The following NUP107 variants were observed in gnomAD, a reference collection of about 807,000 sequenced individuals.
The protein encoded by NUP107 is nuclear pore complex protein Nup107.
NUP107 carries 101 observed loss-of-function variants against 141.0 expected under a neutral mutation model. That is an observed-to-expected ratio of 0.72 (90% confidence interval 0.61 to 0.84). The LOEUF is 0.84. Among genes scored for constraint, NUP107 ranks in the 40% least tolerant of loss-of-function variants. NUP107 has a pLI of 0.00. For synonymous variants in NUP107, 319 were observed against 363.9 expected, an observed-to-expected ratio of 0.88 and a Z score of 1.41; for missense variants, 941 against 1,102.7, an observed-to-expected ratio of 0.85 and a Z score of 2.08.
rs1205074022 is a variant in NUP107, at chr12:68,696,806, T to C, written c.449-13T>C. ...TTTTCTTTATTCCTTTTTTTTTTTT[T>C]GATGTGTTCTAGCATCCATGAGTAT... On this transcript the variant is annotated splice_polypyrimidine_tract_variant and intron_variant, in intron 5 of 27. Transcript: ENST00000229179. 2.8e-6 allele frequency: 4 copies of C among 1,418,420 alleles called. No homozygotes were observed. The highest frequency in any genetic ancestry group is 9.6e-7 in the Non-Finnish European group (1 of 1,042,686). 87.9% of individuals were successfully genotyped at this position (1,418,420 alleles called of 1,614,324 possible). A position where few individuals can be genotyped will look rare whatever the true frequency, so the allele number is the denominator to read the frequency against.
rs35315224 is a variant in NUP107 at position 68,733,720 on chromosome 12, C to T, written c.2262+108C>T. ...GAAGTAGTGTTGGTTCATCTTACCT[C>T]TCTTGTGACTATAGTGCTGACTCAT... is the stretch of plus-strand genomic sequence containing the variant. On this transcript the variant is annotated intron_variant, in intron 24 of 27. Coordinates refer to ENST00000229179, the MANE Select transcript of NUP107 (RefSeq NM_020401.4). 0.026 allele frequency: 28,350 copies of T among 1,074,952 alleles called. 503 individuals are homozygous for T. The highest frequency in any genetic ancestry group is 0.061 in the African/African-American group (3,833 of 63,224). The allele number at this position is 1,074,952 out of a possible 1,614,324, so 66.6% of individuals were successfully genotyped here. A position where few individuals can be genotyped will look rare whatever the true frequency, so the allele number is the denominator to read the frequency against.
chr12:68,742,279 A>C, intron 27 of NUP107, 76 bp from the exon 28 acceptor site: 1 of 911,664 alleles, frequency 1.1e-6, no homozygotes, highest in Non-Finnish European at 1.8e-6. Context: ...GAAGCTAATC[A>C]GATCGATTAG....
At chr12:68,714,135 GA>G (rs891143136) in intron 11 of NUP107, 3 of 194,532 alleles carry the variant, frequency 1.5e-5, no homozygotes, top group South Asian at 3.1e-4. Flanking sequence ...GAAAGCAAGT[GA>G]AAAAAAACTA....
Position 68,689,570 on chromosome 12 carries a change from A to C in NUP107, c.138A>C (p.Thr46=), listed in dbSNP as rs1875678260. ...ASQDENFGNT[T]PRNQVIPRTP... ...AAGATGAAAATTTTGGTAATACTAC[A>C]CCAAGAAACCAGGTTATCCCTCGAA... The change falls in exon 3 of 28, where the codon ACA becomes ACC. Residue 46 remains threonine, a synonymous_variant. Coordinates refer to ENST00000229179, the MANE Select transcript of NUP107 (RefSeq NM_020401.4). 1.2e-6 allele frequency: 2 copies of C among 1,613,116 alleles called. No individual in the cohort carries two copies. Among genetic ancestry groups the C allele is most frequent in the East Asian group, 4.5e-5 (2 of 44,778 alleles).
At chr12:68,704,419 G>A (rs55693245) in intron 8 of NUP107, among the ~76,000 whole-genome samples, 30,309 of 151,840 alleles carry the variant, frequency 0.2, 3,796 homozygotes, top group South Asian at 0.47. Flanking sequence ...CCTTTTTGGG[G>A]TTTAACTTCT....
chr12:68,709,979 A>G, intron 9 of NUP107, 26 bp from the exon 10 acceptor site: 1 of 1,302,788 alleles, frequency 7.7e-7, no homozygotes, highest in East Asian at 2.3e-5. Flanking sequence ...AGTTAACACT[A>G]ATTTATTTTT....
At chr12:68,699,191 T>A (rs747168148) in intron 6 of NUP107, among the ~76,000 whole-genome samples, 7 of 152,000 alleles carry the variant, frequency 4.6e-5, no homozygotes, top group African/African-American at 9.7e-5. Flanking sequence ...GCCAATATGG[T>A]GAAACCTCAT....
At chr12:68,697,859 G>A (rs905180623) in intron 6 of NUP107, among the ~76,000 whole-genome samples, 5 of 151,100 alleles carry the variant, frequency 3.3e-5, no homozygotes, top group Non-Finnish European at 7.4e-5. Flanking sequence ...GTGAAACCCT[G>A]TCTCTACTAA....
intron 8 of NUP107, among the ~76,000 whole-genome samples, chr12:68,703,998 C>T (rs1876459668): frequency 6.6e-6 from 1 of 152,104 alleles, no homozygotes; most frequent in Non-Finnish European, 1.5e-5. Context: ...CACTTGAGCC[C>T]AGGAGTTCAA....
intron 10 of NUP107, among the ~76,000 whole-genome samples, chr12:68,712,418 C>A (rs1292970745): frequency 3.9e-4 from 25 of 63,818 alleles, no homozygotes; most frequent in African/African-American, 1.3e-3. Context: ...AACTCCATCT[C>A]AAAAAAAAAA....
At position 68,716,237 on chromosome 12, in the gene NUP107, C is replaced by CTTTTT. The variant is rs1304801302; in HGVS notation, c.1083+500_1083+501insTTTTT. Among the ~76,000 whole-genome samples, 35 of 115,506 alleles carry CTTTTT rather than the reference C, an allele frequency of 3.0e-4. 2 individuals carry two copies. The highest frequency in any genetic ancestry group is 7.1e-4 in the African/African-American group (23 of 32,472). 75.8% of individuals were successfully genotyped at this position (115,506 alleles called of 152,430 possible). ...TTCCTTTTTCTTTCTTTCTTTCTTT[C>CTTTTT]TTTCTTTCTTTTTTTTTTTGAGATG... is the stretch of plus-strand genomic sequence containing the variant. On this transcript the variant is annotated intron_variant, in intron 12 of 27. Transcript: ENST00000229179.
At chr12:68,729,216 AG>A in intron 20 of NUP107, among the ~76,000 whole-genome samples, 1 of 152,306 alleles carries the variant, frequency 6.6e-6, no homozygotes, top group Non-Finnish European at 1.5e-5. Context: ...TTATTACAGT[AG>A]TATAGTATCT....
In NUP107 at chr12:68,710,034, CA is replaced by C. The variant is rs1357727593; in HGVS notation, c.834del (p.Asp279MetfsTer26). The C allele has an allele frequency of 5.6e-6, 9 of 1,598,856 alleles. No individual in the cohort carries two copies. The highest frequency in any genetic ancestry group is 7.7e-6 in the Non-Finnish European group (9 of 1,168,480). On this transcript the variant is annotated frameshift_variant, in exon 10 of 28. Transcript: ENST00000229179. LOFTEE classifies it high-confidence loss of function. ...TGGTAGATTGGTTAGAGAGTATTGC[CA>C]AAGATGAAATTGGAGAATTTTCTGA... ...LVVDWLESIA[K>X]DEIGEFSDNI...
Position 68,687,056 on chromosome 12 carries a change from G to C in NUP107, c.-10G>C. Reference sequence around the variant, plus strand: ...GCCAACTTTGGTTGTGTGTGGAAAAGGCTTTAGCCATGGACAGGTCAGTAC... The same window carrying C: ...GCCAACTTTGGTTGTGTGTGGAAAACGCTTTAGCCATGGACAGGTCAGTAC... On this transcript the variant is annotated 5_prime_UTR_variant, in exon 1 of 28. Transcript: ENST00000229179. 6.2e-7 allele frequency: 1 copy of C among 1,614,186 alleles called. No individual in the cohort carries two copies. Among genetic ancestry groups the C allele is most frequent in the Non-Finnish European group, 8.5e-7 (1 of 1,179,994 alleles).
chr12:68,722,780 A>C (rs1361852965), intron 17 of NUP107, among the ~76,000 whole-genome samples: 4 of 152,012 alleles, frequency 2.6e-5, no homozygotes, highest in Non-Finnish European at 5.9e-5. Context: ...ATTCATTTTC[A>C]CTTAACCTTA....
intron 4 of NUP107, among the ~76,000 whole-genome samples, chr12:68,691,603 G>A (rs181534394): frequency 6.6e-6 from 1 of 152,154 alleles, no homozygotes; most frequent in Admixed American, 6.5e-5. Flanking sequence ...GGAGGCTGAG[G>A]CAGGTGGATC....
At chr12:68,738,773 C>T (rs1313866480) in intron 26 of NUP107, among the ~76,000 whole-genome samples, 1 of 152,156 alleles carries the variant, frequency 6.6e-6, no homozygotes, top group Non-Finnish European at 1.5e-5. Flanking sequence ...ACATTCTAGT[C>T]CAAGCCTCTA....
At chr12:68,719,762 A>T in intron 14 of NUP107, 108 bp downstream of exon 14, 1 of 770,564 alleles carries the variant, frequency 1.3e-6, no homozygotes, top group Non-Finnish European at 2.2e-6. Context: ...TTTTCAGAGA[A>T]TTTCCAATTA....
intron 5 of NUP107, among the ~76,000 whole-genome samples, chr12:68,693,500 A>T (rs12318904): frequency 0.05 from 7,640 of 152,218 alleles, 642 homozygotes; most frequent in African/African-American, 0.17. Context: ...AGGCAACAAC[A>T]TAAATTTATT....
Sources: gnomAD v4.1 joint callset for allele counts (sites outside exome capture counted in the v4.1 genomes callset) on GRCh38, gnomAD v4.1.1 for gene constraint, MANE v1.5 for transcripts, NCBI Gene and HGNC (gene_info 2026-07-23, HGNC 2026-07-21) for gene names.